The following CLMP variants were observed in gnomAD, a reference collection of about 807,000 sequenced individuals.
CLMP encodes CXADR-like membrane protein.
In CLMP, 27 loss-of-function variants were observed where a neutral mutation model predicts 45.2. The ratio of observed to expected loss-of-function variants is 0.60; its 90% confidence interval spans 0.44 to 0.82. The LOEUF is 0.82. Ranked by LOEUF, CLMP falls within the 40% of genes least tolerant of loss-of-function variation. The pLI is 0.00. For missense variants in CLMP, 403 were observed against 448.4 expected (o/e 0.90, Z 0.91); for synonymous variants, 167 against 171.4 (o/e 0.97, Z 0.20).
chr11:123,091,443 T>C (rs1865931096), intron 2 of CLMP, among the ~76,000 whole-genome samples: 3 of 152,152 alleles, frequency 2.0e-5, no homozygotes, highest in African/African-American at 7.2e-5. Context: ...TACAGCTTGG[T>C]CTGAAGAGCT....
intron 1 of CLMP, among the ~76,000 whole-genome samples, chr11:123,173,777 A>T (rs141423715): frequency 2.0e-5 from 3 of 152,140 alleles, no homozygotes; most frequent in Non-Finnish European, 4.4e-5. Flanking sequence ...CCTTCACCAC[A>T]TCAAAAAAAA....
chr11:123,182,251 T>C (rs1861778994), intron 1 of CLMP, among the ~76,000 whole-genome samples: 1 of 152,214 alleles, frequency 6.6e-6, no homozygotes, highest in Non-Finnish European at 1.5e-5. Context: ...CTAGAGAAGC[T>C]GGTGAAGCAT....
chr11:123,099,699 G>A (rs1356157214), intron 1 of CLMP, among the ~76,000 whole-genome samples: 1 of 152,062 alleles, frequency 6.6e-6, no homozygotes, highest in Non-Finnish European at 1.5e-5. Flanking sequence ...GCGGTGGGGG[G>A]CAGATATTCA....
At chr11:123,158,018 A>G (rs1314429606) in intron 1 of CLMP, among the ~76,000 whole-genome samples, 1 of 152,060 alleles carries the variant, frequency 6.6e-6, no homozygotes, top group East Asian at 1.9e-4. Context: ...CAAAACCCCC[A>G]GTTTCGCTCT....
At chr11:123,101,503 C>A (rs947233118) in intron 1 of CLMP, among the ~76,000 whole-genome samples, 1 of 152,206 alleles carries the variant, frequency 6.6e-6, no homozygotes, top group African/African-American at 2.4e-5. Flanking sequence ...GGTATTCTTG[C>A]TTTCAGGGAA....
At chr11:123,186,165 C>T (rs1479582555) in intron 1 of CLMP, among the ~76,000 whole-genome samples, 1 of 152,218 alleles carries the variant, frequency 6.6e-6, no homozygotes, top group Non-Finnish European at 1.5e-5. Flanking sequence ...TTATGTCTCA[C>T]TTTTGTATCC....
chr11:123,164,059 C>T (rs11219037), intron 1 of CLMP, among the ~76,000 whole-genome samples: 8,880 of 152,156 alleles, frequency 0.058, 295 homozygotes, highest in African/African-American at 0.078. Flanking sequence ...ACAACATGGC[C>T]TACCATTTAT....
chr11:123,080,960 T>C (rs1865797409), intron 5 of CLMP, among the ~76,000 whole-genome samples: 1 of 151,974 alleles, frequency 6.6e-6, no homozygotes. Flanking sequence ...CCGGCCAACA[T>C]AGTGAAACCC....
intron 1 of CLMP, among the ~76,000 whole-genome samples, chr11:123,164,769 C>T (rs1565401403): frequency 6.6e-6 from 1 of 152,076 alleles, no homozygotes; most frequent in Non-Finnish European, 1.5e-5. Context: ...CCAGTCTGAA[C>T]CTAGTGTCAG....
chr11:123,084,077 C>T (rs929252961), intron 3 of CLMP, among the ~76,000 whole-genome samples: 9 of 152,314 alleles, frequency 5.9e-5, no homozygotes, highest in African/African-American at 2.2e-4. Flanking sequence ...ATTTTTGGGG[C>T]AGAGGCTGCC....
intron 1 of CLMP, among the ~76,000 whole-genome samples, chr11:123,122,402 G>A (rs967252218): frequency 6.6e-6 from 1 of 152,126 alleles, no homozygotes; most frequent in Non-Finnish European, 1.5e-5. Flanking sequence ...AGTCATCATT[G>A]GCAGGGTTGT....
chr11:123,114,369 C>T (rs1419547985), intron 1 of CLMP, among the ~76,000 whole-genome samples: 1 of 152,022 alleles, frequency 6.6e-6, no homozygotes, highest in Non-Finnish European at 1.5e-5. Flanking sequence ...ATTCACTCTC[C>T]CTAAGGAGGG....
At chr11:123,143,865 G>A (rs2008043) in intron 1 of CLMP, among the ~76,000 whole-genome samples, 63,942 of 150,882 alleles carry the variant, frequency 0.42, 14,611 homozygotes, top group African/African-American at 0.6. Context: ...CTGGAGTACA[G>A]TGGTGCAATC....
intron 1 of CLMP, among the ~76,000 whole-genome samples, chr11:123,133,815 G>C (rs1009606507): frequency 6.6e-6 from 1 of 152,094 alleles, no homozygotes; most frequent in Non-Finnish European, 1.5e-5. Context: ...GAATCTGAGC[G>C]GGGAGGCCTT....
intron 1 of CLMP, among the ~76,000 whole-genome samples, chr11:123,144,486 C>T (rs1220038257): frequency 3.3e-5 from 5 of 152,222 alleles, no homozygotes; most frequent in Non-Finnish European, 5.9e-5. Flanking sequence ...ATTCTCCTGT[C>T]TCAGCTTCCT....
chr11:123,135,177 T>C (rs1308361734), intron 1 of CLMP, among the ~76,000 whole-genome samples: 3 of 150,196 alleles, frequency 2.0e-5, no homozygotes, highest in Non-Finnish European at 4.4e-5. Context: ...GGAGAATGGC[T>C]TGAACCCGGG....
At chr11:123,192,370 C>T (rs1861919449) in intron 1 of CLMP, among the ~76,000 whole-genome samples, 1 of 152,138 alleles carries the variant, frequency 6.6e-6, no homozygotes, top group South Asian at 2.1e-4. Context: ...GCCCATTGTA[C>T]AGACAAGGGA....
chr11:123,156,024 G>T (rs1861409232), intron 1 of CLMP, among the ~76,000 whole-genome samples: 1 of 152,156 alleles, frequency 6.6e-6, no homozygotes, highest in African/African-American at 2.4e-5. Context: ...ATATGTTGAA[G>T]TTCTAACCCT....
chr11:123,097,350 T>TTTCTTTC (rs1866002926), intron 2 of CLMP, among the ~76,000 whole-genome samples: 1 of 139,506 alleles, frequency 7.2e-6, no homozygotes, highest in African/African-American at 2.7e-5. Context: ...TTCTTTCTTT[T>TTTCTTTC]TTTTTGAGAT....
Sources: allele counts gnomAD v4.1 joint callset (sites outside exome capture counted in the v4.1 genomes callset), GRCh38; gene constraint gnomAD v4.1.1; transcripts MANE v1.5; gene names NCBI Gene and HGNC (gene_info 2026-07-23, HGNC 2026-07-21).